NPSR1: variants seen among roughly 807,000 people sequenced by gnomAD.
NPSR1 encodes neuropeptide S receptor.
A neutral mutation model predicts 46.9 loss-of-function variants in NPSR1; 48 were observed. That is an observed-to-expected ratio of 1.02 (90% CI 0.81 to 1.30). The LOEUF is 1.30. Among genes scored for constraint, NPSR1 ranks in the 50% most tolerant of loss-of-function variants. NPSR1 has a pLI of 0.00. For missense variants in NPSR1, 450 were observed against 449.5 expected, an observed-to-expected ratio of 1.00 and a Z score of -0.01; for synonymous variants, 176 against 168.1, an observed-to-expected ratio of 1.05 and a Z score of -0.36.
chr7:34,859,838 G>A (rs1791143953), intron 8 of NPSR1, among the ~76,000 whole-genome samples: 1 of 151,752 alleles, frequency 6.6e-6, no homozygotes, highest in African/African-American at 2.4e-5. Flanking sequence ...AGGTGGCTCT[G>A]GTGCAACTCT....
intron 2 of NPSR1, among the ~76,000 whole-genome samples, chr7:34,763,170 A>G (rs1786258036): frequency 6.6e-6 from 1 of 152,242 alleles, no homozygotes. Flanking sequence ...TGCCAATCAG[A>G]AGCTTACAAT....
intron 2 of NPSR1, among the ~76,000 whole-genome samples, chr7:34,757,145 T>G (rs543253548): frequency 5.3e-5 from 8 of 152,318 alleles, no homozygotes; most frequent in African/African-American, 1.9e-4. Flanking sequence ...TGTATTGCAC[T>G]TACAGTGAAA....
intron 2 of NPSR1, among the ~76,000 whole-genome samples, chr7:34,726,526 T>A (rs1366788068): frequency 6.6e-6 from 1 of 152,194 alleles, no homozygotes; most frequent in East Asian, 1.9e-4. Context: ...TCCAAATGAA[T>A]TGGCAACTCA....
intron 4 of NPSR1, among the ~76,000 whole-genome samples, chr7:34,824,548 C>G (rs1333280681): frequency 2.0e-5 from 3 of 152,178 alleles, no homozygotes; most frequent in African/African-American, 7.2e-5. Context: ...AGTGTAGCCC[C>G]AGCACCAGTA....
At chr7:34,697,136 TA>T (rs1461967967) in intron 2 of NPSR1, among the ~76,000 whole-genome samples, 2 of 152,090 alleles carry the variant, frequency 1.3e-5, no homozygotes, top group African/African-American at 2.4e-5. Context: ...TTGGATTCTT[TA>T]TTTTTTTTAT....
intron 6 of NPSR1, among the ~76,000 whole-genome samples, chr7:34,835,153 G>A (rs1299555044): frequency 6.6e-6 from 1 of 152,162 alleles, no homozygotes; most frequent in Non-Finnish European, 1.5e-5. Context: ...AAGAAGAAAG[G>A]GCTTCTAGTT....
chr7:34,759,363 C>A (rs1334537939), intron 2 of NPSR1, among the ~76,000 whole-genome samples: 1 of 152,142 alleles, frequency 6.6e-6, no homozygotes, highest in African/African-American at 2.4e-5. Context: ...CCTTCTCTCC[C>A]ATTTTTAAAT....
intron 1 of NPSR1, among the ~76,000 whole-genome samples, chr7:34,663,534 G>A (rs1456316035): frequency 6.6e-6 from 1 of 152,078 alleles, no homozygotes; most frequent in Non-Finnish European, 1.5e-5. Context: ...GGACCTCAGC[G>A]CCCTTCCAAT....
intron 3 of NPSR1, among the ~76,000 whole-genome samples, chr7:34,791,202 T>TTATATTATATATGTTATATGTTA (rs1562731421): frequency 7.9e-6 from 1 of 125,792 alleles, no homozygotes; most frequent in Non-Finnish European, 1.6e-5. Context: ...ATGTTATATA[T>TTATATTATATATGTTATATGTTA]TATATTATAT....
At chr7:34,711,819 A>G (rs922592188) in intron 2 of NPSR1, among the ~76,000 whole-genome samples, 1 of 152,158 alleles carries the variant, frequency 6.6e-6, no homozygotes, top group African/African-American at 2.4e-5. Flanking sequence ...CCATTGCCCC[A>G]CAGTTCCCTG....
chr7:34,749,145 A>T (rs1785373101), intron 2 of NPSR1, among the ~76,000 whole-genome samples: 1 of 152,128 alleles, frequency 6.6e-6, no homozygotes, highest in Admixed American at 6.5e-5. Flanking sequence ...TGCAATGTTC[A>T]TGACCCAAAC....
intron 2 of NPSR1, among the ~76,000 whole-genome samples, chr7:34,720,376 T>C (rs764871701): frequency 1.3e-5 from 2 of 151,924 alleles, no homozygotes; most frequent in African/African-American, 2.4e-5. Context: ...GAGCTGTAGA[T>C]GCTACTAGGC....
intron 2 of NPSR1, among the ~76,000 whole-genome samples, chr7:34,763,468 A>G (rs961558498): frequency 2.0e-5 from 3 of 152,180 alleles, no homozygotes; most frequent in African/African-American, 7.2e-5. Flanking sequence ...CTGAACTAAA[A>G]ATAATAATCT....
chr7:34,827,551 A>G lies in NPSR1; in HGVS notation c.629A>G (p.Tyr210Cys). 3.2e-6 allele frequency: 5 copies of G among 1,569,560 alleles called. No homozygotes were observed. Among genetic ancestry groups the G allele is most frequent in the Non-Finnish European group, 4.3e-6 (5 of 1,153,502 alleles). ...LWPDDSYWTP[Y>C]MTIVAFLVYF... ...CCTGACGACTCCTACTGGACCCCATACATGACCATCGTGGCCTTCCTGGTG... is the reference window on the plus strand; with the variant it reads ...CCTGACGACTCCTACTGGACCCCATGCATGACCATCGTGGCCTTCCTGGTG... The change falls in exon 5 of 9, where the codon TAC becomes TGC. Residue 210 changes from tyrosine to cysteine, a missense_variant. Transcript: ENST00000360581.
At chr7:34,767,672 A>C (rs1786498630) in intron 2 of NPSR1, among the ~76,000 whole-genome samples, 1 of 152,180 alleles carries the variant, frequency 6.6e-6, no homozygotes, top group African/African-American at 2.4e-5. Context: ...GAAGTTACAG[A>C]AGGAGAAGAG....
chr7:34,877,957 C>A (rs13229970), intron 8 of NPSR1: 9 of 589,430 alleles, frequency 1.5e-5, no homozygotes, highest in Non-Finnish European at 2.5e-5. Flanking sequence ...AGAACCGAGG[C>A]GGGAGGTAGA....
chr7:34,738,059 GATAA>G (rs1187697207), intron 2 of NPSR1, among the ~76,000 whole-genome samples: 1 of 152,184 alleles, frequency 6.6e-6, no homozygotes, highest in South Asian at 2.1e-4. Flanking sequence ...TGAACGAAAG[GATAA>G]ATAAATAAAT....
intron 2 of NPSR1, among the ~76,000 whole-genome samples, chr7:34,698,588 T>C (rs1793656436): frequency 6.6e-6 from 1 of 152,178 alleles, no homozygotes; most frequent in African/African-American, 2.4e-5. Flanking sequence ...TTACAACAAC[T>C]GATATATAAA....
At chr7:34,836,280 AT>A (rs1461401886) in intron 6 of NPSR1, among the ~76,000 whole-genome samples, 1 of 152,184 alleles carries the variant, frequency 6.6e-6, no homozygotes, top group African/African-American at 2.4e-5. Context: ...CAAAAAAAAA[AT>A]TGGATGAAGA....
Sources: gnomAD v4.1 joint callset for allele counts (sites outside exome capture counted in the v4.1 genomes callset) on GRCh38, gnomAD v4.1.1 for gene constraint, MANE v1.5 for transcripts, NCBI Gene and HGNC (gene_info 2026-07-23, HGNC 2026-07-21) for gene names.